Variants in MBP observed in about 807,000 individuals in gnomAD.
MBP encodes myelin basic protein, also known as Golli-MBP.
Under a neutral mutation model 35.8 loss-of-function variants are expected in MBP, and 16 were observed. The ratio of observed to expected loss-of-function variants is 0.45; its 90% CI spans 0.30 to 0.68. The LOEUF (loss-of-function observed/expected upper bound fraction) is 0.68. Ranked by LOEUF, MBP falls within the 30% of genes least tolerant of loss-of-function variation. The pLI is 0.08. For missense variants in MBP, 380 were observed against 404.7 expected, an observed-to-expected ratio of 0.94 and a Z score of 0.52; for synonymous variants, 143 against 159.6, an observed-to-expected ratio of 0.90 and a Z score of 0.78.
At chr18:77,128,986 T>TA (rs199710780) in intron 1 of MBP, among the ~76,000 whole-genome samples, 27 of 151,996 alleles carry the variant, frequency 1.8e-4, no homozygotes, top group African/African-American at 3.4e-4. Flanking sequence ...ACCGTAAAGG[T>TA]AAAAAAAAAT....
In MBP at chr18:77,102,231, C is replaced by T. The variant is rs1976056871; in HGVS notation, c.51+2980G>A. ...CAGTGTGTGGGGTAGACCGGGCAGC[C>T]CCCACCGCAGCTGCCCTCCCTGCTG... is the stretch of plus-strand genomic sequence containing the variant. On this transcript the variant is annotated intron_variant, in intron 2 of 8. Transcript: ENST00000355994. This position sits in a 1 kb window ranked among gnomAD's most constrained non-coding sequence, Gnocchi z 4.4. Among the ~76,000 whole-genome samples, 1 of 152,050 alleles carries T rather than the reference C, an allele frequency of 6.6e-6. No individual in the cohort carries two copies. The highest frequency in any genetic ancestry group is 6.5e-5 in the Admixed American group (1 of 15,268).
intron 1 of MBP, among the ~76,000 whole-genome samples, chr18:77,106,633 G>T (rs1287292151): frequency 6.6e-6 from 1 of 152,124 alleles, no homozygotes. Flanking sequence ...AGCAACTTAG[G>T]TCAAAGTGCC....
chr18:77,008,802 A>T (rs143203251), intron 4 of MBP, among the ~76,000 whole-genome samples: 5 of 152,190 alleles, frequency 3.3e-5, no homozygotes, highest in African/African-American at 9.7e-5. Context: ...CACTAGCATG[A>T]TGTCTGACAT....
At chr18:77,034,265 C>T (rs1972667911) in intron 3 of MBP, among the ~76,000 whole-genome samples, 1 of 152,046 alleles carries the variant, frequency 6.6e-6, no homozygotes, top group African/African-American at 2.4e-5. Context: ...ACTCCTGCCA[C>T]CACTAGCAAG....
At chr18:76,987,879 C>A in intron 7 of MBP, 2 of 1,057,918 alleles carry the variant, frequency 1.9e-6, no homozygotes, top group Non-Finnish European at 2.3e-6. Flanking sequence ...CCATTTTAAA[C>A]CTTCCTTGAA....
intron 3 of MBP, among the ~76,000 whole-genome samples, chr18:77,021,157 G>A (rs1196764088): frequency 6.6e-6 from 1 of 152,170 alleles, no homozygotes; most frequent in Non-Finnish European, 1.5e-5. Context: ...CCTCTCGGGT[G>A]GAAGATTCTA....
Position 77,028,593 on chromosome 18 carries a change from G to A in MBP, c.140-11325C>T, listed in dbSNP as rs1484253463. On this transcript the variant is annotated intron_variant, in intron 3 of 8. Transcript: ENST00000355994. ...CGGGCAGAGGCGCCCCTCACCTCCC[G>A]GACGGGGCGGCTGGCCGGGCGGGGG... is the stretch of plus-strand genomic sequence containing the variant. Among the ~76,000 whole-genome samples the A allele has an allele frequency of 3.1e-4, 22 of 70,356 alleles. 1 individual carries two copies. The highest frequency in any genetic ancestry group is 7.6e-4 in the African/African-American group (17 of 22,448). The allele number at this position is 70,356 out of a possible 152,430, so 46.2% of individuals were successfully genotyped here.
At chr18:77,074,848 T>G (rs967274991) in intron 2 of MBP, among the ~76,000 whole-genome samples, 1 of 152,166 alleles carries the variant, frequency 6.6e-6, no homozygotes, top group African/African-American at 2.4e-5. Flanking sequence ...GCAGTGCAAA[T>G]GAACAGCCAG....
intron 3 of MBP, among the ~76,000 whole-genome samples, chr18:77,023,842 C>T (rs1041922719): frequency 6.6e-6 from 1 of 152,224 alleles, no homozygotes; most frequent in Non-Finnish European, 1.5e-5. Context: ...TAGTTCTCTT[C>T]TAATCGCCTC....
At chr18:77,121,542 A>G (rs576883145) in intron 1 of MBP, among the ~76,000 whole-genome samples, 7 of 152,150 alleles carry the variant, frequency 4.6e-5, no homozygotes, top group Non-Finnish European at 1.0e-4. Context: ...ACTAGTCTGA[A>G]ATGAATAAGG....
chr18:77,097,659 A>G (rs943486785), intron 2 of MBP, among the ~76,000 whole-genome samples: 4 of 152,208 alleles, frequency 2.6e-5, no homozygotes, highest in African/African-American at 9.6e-5. Context: ...CTGAGATCTC[A>G]GTGGGATGTG....
At chr18:77,130,685 G>GTT (rs71999921) in intron 1 of MBP, among the ~76,000 whole-genome samples, 183 of 146,058 alleles carry the variant, frequency 1.3e-3, no homozygotes, top group Middle Eastern at 3.5e-3. Context: ...TTGGTCTCTT[G>GTT]TTTTTTTTTT....
Position 77,131,174 on chromosome 18 carries a change from G to A in MBP, c.-26+1406C>T, listed in dbSNP as rs996394541. Among the ~76,000 whole-genome samples the A allele has an allele frequency of 6.6e-6, 1 of 151,694 alleles. No homozygotes were observed. The highest frequency in any genetic ancestry group is 1.5e-5 in the Non-Finnish European group (1 of 68,012). On this transcript the variant is annotated intron_variant, in intron 1 of 8. Transcript: ENST00000355994. This position sits in a 1 kb window ranked among gnomAD's most constrained non-coding sequence, Gnocchi z 5.5. Reference sequence around the variant, plus strand: ...CCTTCCTCCACTGAAGGGCGGCTGGGTTCCAGGCTCTCAGCCGTGACCACA... The same window carrying A: ...CCTTCCTCCACTGAAGGGCGGCTGGATTCCAGGCTCTCAGCCGTGACCACA...
intron 4 of MBP, chr18:77,005,390 C>T (rs1213221180): frequency 1.3e-5 from 2 of 152,238 alleles, no homozygotes; most frequent in East Asian, 3.9e-4. Flanking sequence ...CAGGAGCACA[C>T]CCTTCATGAC....
intron 2 of MBP, chr18:77,069,144 C>T (rs1238853820): frequency 2.3e-6 from 1 of 442,884 alleles, no homozygotes. Flanking sequence ...CCTTACACAC[C>T]TTCCCAACCC....
At chr18:77,031,724 C>A (rs61361733) in intron 3 of MBP, among the ~76,000 whole-genome samples, 2 of 152,246 alleles carry the variant, frequency 1.3e-5, no homozygotes, top group Admixed American at 6.5e-5. Flanking sequence ...CCTCTTGGCA[C>A]GAGGAGGGCA....
chr18:77,122,958 A>G (rs1249309741), intron 1 of MBP, among the ~76,000 whole-genome samples: 2 of 152,240 alleles, frequency 1.3e-5, no homozygotes, highest in African/African-American at 2.4e-5. Flanking sequence ...TTTTGTATAC[A>G]TGGCAGGGTA....
intron 4 of MBP, chr18:77,009,934 G>A: frequency 6.4e-7 from 1 of 1,574,116 alleles, no homozygotes; most frequent in Non-Finnish European, 8.6e-7. Flanking sequence ...TACCTGCCGG[G>A]GGACACAGAG....
At chr18:77,016,505 C>A (rs1327036908) in intron 4 of MBP, 4 of 1,196,166 alleles carry the variant, frequency 3.3e-6, no homozygotes, top group Non-Finnish European at 3.1e-6. Flanking sequence ...CACACACCAC[C>A]AGAGACCCTG....
Sources: allele counts gnomAD v4.1 joint callset (sites outside exome capture counted in the v4.1 genomes callset), GRCh38; gene constraint gnomAD v4.1.1; non-coding constraint Gnocchi (gnomAD v3.1); transcripts MANE v1.5; gene names NCBI Gene and HGNC (gene_info 2026-07-23, HGNC 2026-07-21).